Variants in DRC11 observed in about 807,000 individuals in gnomAD.
DRC11 encodes the protein IQ and AAA domain-containing protein 1.
the DRC11 span, among the ~76,000 whole-genome samples, chr2:236,342,389 C>T: frequency 6.6e-6 from 1 of 152,206 alleles, no homozygotes; most frequent in Non-Finnish European, 1.5e-5. This position sits in a 1 kb window ranked among gnomAD's most constrained non-coding sequence, Gnocchi z 5.8. Context: ...CCTGTGGATG[C>T]CTCTGCTGCC....
At chr2:236,383,861 G>T in the DRC11 span, among the ~76,000 whole-genome samples, 1 of 141,972 alleles carries the variant, frequency 7.0e-6, no homozygotes, top group Non-Finnish European at 1.5e-5. Context: ...TCCCCTTCCT[G>T]TGTCCATGTG....
At chr2:236,446,612 GC>G in the DRC11 span, among the ~76,000 whole-genome samples, 2 of 152,206 alleles carry the variant, frequency 1.3e-5, no homozygotes, top group Non-Finnish European at 1.5e-5. This position sits in a 1 kb window ranked among gnomAD's most constrained non-coding sequence, Gnocchi z 6.2. Context: ...TCCTTTGGAT[GC>G]TTGGACACAC....
chr2:236,321,507 C>G, the DRC11 span, among the ~76,000 whole-genome samples: 3 of 152,350 alleles, frequency 2.0e-5, no homozygotes, highest in South Asian at 6.2e-4. Flanking sequence ...TCCACACCCA[C>G]TCACACACAA....
chr2:236,486,917 G>A, the DRC11 span: 1 of 1,574,968 alleles, frequency 6.3e-7, no homozygotes, highest in South Asian at 1.2e-5. This position sits in a 1 kb window ranked among gnomAD's most constrained non-coding sequence, Gnocchi z 5.7. Flanking sequence ...ACAAATAAAT[G>A]GTTACTTGTT....
the DRC11 span, among the ~76,000 whole-genome samples, chr2:236,471,746 C>G: frequency 6.6e-6 from 1 of 152,108 alleles, no homozygotes; most frequent in Non-Finnish European, 1.5e-5. The surrounding 1 kb of genome is among the most constrained non-coding windows in gnomAD (Gnocchi z 4.6). Flanking sequence ...AGGTGCCAGC[C>G]CAAGTTCACA....
the DRC11 span, among the ~76,000 whole-genome samples, chr2:236,417,096 C>G: frequency 6.6e-6 from 1 of 151,750 alleles, no homozygotes; most frequent in Non-Finnish European, 1.5e-5. Flanking sequence ...TCTCGAACTC[C>G]TGACCTCAGG....
chr2:236,498,844 C>T, the DRC11 span, among the ~76,000 whole-genome samples: 1 of 152,218 alleles, frequency 6.6e-6, no homozygotes, highest in Non-Finnish European at 1.5e-5. Flanking sequence ...CCACCTTCCC[C>T]TACCAAATTT....
the DRC11 span, among the ~76,000 whole-genome samples, chr2:236,501,042 T>C: frequency 1.3e-5 from 2 of 152,140 alleles, no homozygotes; most frequent in African/African-American, 4.8e-5. Context: ...TGGCTCACGG[T>C]TCCACAGGCT....
At chr2:236,356,962 A>G in the DRC11 span, among the ~76,000 whole-genome samples, 1 of 101,984 alleles carries the variant, frequency 9.8e-6, no homozygotes, top group Non-Finnish European at 2.0e-5. Context: ...TATCATAAAT[A>G]TATATATTAT....
At chr2:236,370,767 A>G in the DRC11 span, among the ~76,000 whole-genome samples, 1 of 77,930 alleles carries the variant, frequency 1.3e-5, no homozygotes, top group Non-Finnish European at 2.4e-5. The surrounding 1 kb of genome is among the most constrained non-coding windows in gnomAD (Gnocchi z 5.5). Context: ...GTTCTGGAGC[A>G]GGGTGGCCAT....
the DRC11 span, among the ~76,000 whole-genome samples, chr2:236,405,750 C>T: frequency 5.2e-3 from 786 of 152,286 alleles, 8 homozygotes; most frequent in African/African-American, 0.018. The surrounding 1 kb of genome is among the most constrained non-coding windows in gnomAD (Gnocchi z 4.6). Flanking sequence ...AGCCTCGGAT[C>T]GTACCAACCA....
the DRC11 span, among the ~76,000 whole-genome samples, chr2:236,424,136 G>T: frequency 6.6e-6 from 1 of 151,856 alleles, no homozygotes; most frequent in African/African-American, 2.4e-5. Flanking sequence ...CACCAGCACG[G>T]CACATGTATA....
At chr2:236,356,469 G>A in the DRC11 span, among the ~76,000 whole-genome samples, 2 of 152,176 alleles carry the variant, frequency 1.3e-5, no homozygotes, top group Admixed American at 6.5e-5. Flanking sequence ...ATGCGGAGCC[G>A]ATGCTTCCCC....
the DRC11 span, among the ~76,000 whole-genome samples, chr2:236,456,334 G>A: frequency 6.6e-6 from 1 of 152,146 alleles, no homozygotes; most frequent in Non-Finnish European, 1.5e-5. The surrounding 1 kb of genome is among the most constrained non-coding windows in gnomAD (Gnocchi z 5.4). Context: ...TCAAGGTCAC[G>A]CAGCCCGCAA....
At chr2:236,324,550 C>T in the DRC11 span, 17 of 602,756 alleles carry the variant, frequency 2.8e-5, no homozygotes, top group Non-Finnish European at 4.1e-5. This position sits in a 1 kb window ranked among gnomAD's most constrained non-coding sequence, Gnocchi z 5.7. Context: ...TGCTAAGTTC[C>T]TTCCCCTGAG....
chr2:236,402,687 C>G, the DRC11 span, among the ~76,000 whole-genome samples: 1 of 152,184 alleles, frequency 6.6e-6, no homozygotes, highest in African/African-American at 2.4e-5. This position sits in a 1 kb window ranked among gnomAD's most constrained non-coding sequence, Gnocchi z 6.0. Context: ...ACCCACCTTC[C>G]AGAGCGCACA....
At chr2:236,337,659 C>CT in the DRC11 span, among the ~76,000 whole-genome samples, 10 of 152,144 alleles carry the variant, frequency 6.6e-5, no homozygotes, top group African/African-American at 2.4e-4. This position sits in a 1 kb window ranked among gnomAD's most constrained non-coding sequence, Gnocchi z 4.9. Flanking sequence ...CCCAGGGGCT[C>CT]TTTTTTTGTG....
At chr2:236,399,498 G>A in the DRC11 span, 1 of 1,612,824 alleles carries the variant, frequency 6.2e-7, no homozygotes, top group South Asian at 1.1e-5. This position sits in a 1 kb window ranked among gnomAD's most constrained non-coding sequence, Gnocchi z 7.0. Context: ...CCTGTTCAAA[G>A]CAGAATATTT....
the DRC11 span, among the ~76,000 whole-genome samples, chr2:236,339,107 G>A: frequency 6.6e-6 from 1 of 152,216 alleles, no homozygotes; most frequent in Non-Finnish European, 1.5e-5. Context: ...AGCCTCTGCA[G>A]AGACTTCCCA....
Sources: gnomAD v4.1 joint callset for allele counts (sites outside exome capture counted in the v4.1 genomes callset) on GRCh38, gnomAD v4.1.1 for gene constraint, Gnocchi (gnomAD v3.1) non-coding constraint, MANE v1.5 for transcripts, NCBI Gene and HGNC (gene_info 2026-07-23, HGNC 2026-07-21) for gene names.